Variants in TKT observed in about 807,000 individuals in gnomAD.
TKT encodes the protein epididymis luminal protein 107.
In TKT, 47 loss-of-function variants were observed where a neutral mutation model predicts 63.9. The ratio of observed to expected loss-of-function variants is 0.74; its 90% CI spans 0.58 to 0.94. The LOEUF (loss-of-function observed/expected upper bound fraction) is 0.94. TKT is among the 40% of genes least tolerant of loss of function. The probability of loss-of-function intolerance (pLI) is 0.00; values close to 1 mark genes in which losing one functional copy is unlikely to be tolerated. For missense variants in TKT, 721 were observed against 846.2 expected, an observed-to-expected ratio of 0.85 and a Z score of 1.84; for synonymous variants, 338 against 334.1, an observed-to-expected ratio of 1.01 and a Z score of -0.13.
At position 53,225,491 on chromosome 3, in the gene TKT, G is replaced by A. The variant is rs1177202180; in HGVS notation, c.*265C>T. On this transcript the variant is annotated 3_prime_UTR_variant, in exon 14 of 14. Transcript: ENST00000462138. ...ATGGGAGGCAGCGATAGTTCTGGAGGTTGAGGGCAGTTGCAGGTGATTCCA... is the reference window on the plus strand; with the variant it reads ...ATGGGAGGCAGCGATAGTTCTGGAGATTGAGGGCAGTTGCAGGTGATTCCA... The A allele has an allele frequency of 2.9e-6, 1 of 341,076 alleles. No homozygotes were observed. Among genetic ancestry groups the A allele is most frequent in the Non-Finnish European group, 5.3e-6 (1 of 186,916 alleles). 21.1% of individuals were successfully genotyped at this position (341,076 alleles called of 1,614,324 possible).
chr3:53,231,918 G>A (rs982920835), intron 6 of TKT: 21 of 284,766 alleles, frequency 7.4e-5, no homozygotes, highest in African/African-American at 3.7e-4. Flanking sequence ...ACAGGTAGAG[G>A]TGTCTGCTGC....
intron 1 of TKT, among the ~76,000 whole-genome samples, chr3:53,246,006 A>C (rs1705488212): frequency 6.6e-6 from 1 of 151,844 alleles, no homozygotes; most frequent in South Asian, 2.1e-4. Flanking sequence ...AGTGGCTCAC[A>C]CCTGTAATCC....
chr3:53,244,136 CTTCCTTGCTAGGCCTGCAGCCTTTCA>C (rs1254003613), intron 1 of TKT, among the ~76,000 whole-genome samples: 1 of 152,216 alleles, frequency 6.6e-6, no homozygotes, highest in African/African-American at 2.4e-5. Flanking sequence ...GATTTTAAGC[CTTCCTTGCTAGGCCTGCAGCCTTTCA>C]TTCCTTCCAA....
intron 9 of TKT, 62 bp from the exon 10 acceptor site, chr3:53,229,199 A>G: frequency 4.3e-6 from 7 of 1,612,910 alleles, no homozygotes; most frequent in Non-Finnish European, 5.1e-6. Context: ...CATGGGCTGG[A>G]ATCCTGGCCC....
intron 6 of TKT, chr3:53,232,480 T>C (rs191938757): frequency 4.6e-4 from 185 of 398,888 alleles, no homozygotes; most frequent in African/African-American, 3.4e-3. Context: ...GGCCCTGGGA[T>C]CAGCCCCCCT....
chr3:53,248,189 C>T (rs1334144146), intron 1 of TKT, among the ~76,000 whole-genome samples: 7 of 152,158 alleles, frequency 4.6e-5, no homozygotes, highest in African/African-American at 7.2e-5. Context: ...ATGCTTCATT[C>T]GGAGGATGGG....
rs782780193 is a variant in TKT at position 53,228,191 on chromosome 3, G to C, written c.1480-42C>G. 7 of 1,613,142 alleles carry C rather than the reference G, an allele frequency of 4.3e-6. No individual in the cohort carries two copies. In the East Asian group the frequency reaches 8.9e-5, roughly 21 times the overall value. On this transcript the variant is annotated intron_variant, in intron 11 of 13. Transcript: ENST00000462138. ...GGGTGAGTAAGGCTCAGGGCCCTGG[G>C]GCAGGGTGTGCCCTGACTGCTGGGA...
chr3:53,237,062 A>G (rs538676718), intron 4 of TKT, among the ~76,000 whole-genome samples: 1 of 152,358 alleles, frequency 6.6e-6, no homozygotes, highest in East Asian at 1.9e-4. Context: ...TAGCATCTCC[A>G]TAAAACAGAA....
intron 10 of TKT, 80 bp from the exon 11 acceptor site, chr3:53,228,439 T>G: frequency 6.7e-7 from 1 of 1,502,582 alleles, no homozygotes; most frequent in South Asian, 1.1e-5. Flanking sequence ...AGAGAGGCCA[T>G]CCCTTCCCAT....
At chr3:53,246,535 T>C (rs1705512396) in intron 1 of TKT, among the ~76,000 whole-genome samples, 1 of 152,144 alleles carries the variant, frequency 6.6e-6, no homozygotes, top group South Asian at 2.1e-4. Flanking sequence ...TATTGATTTA[T>C]GTACAAGTCT....
intron 1 of TKT, among the ~76,000 whole-genome samples, chr3:53,248,605 G>A (rs1705615899): frequency 1.3e-5 from 2 of 150,608 alleles, no homozygotes; most frequent in Admixed American, 6.7e-5. Flanking sequence ...CTCCAGCTTC[G>A]GGACACAGTG....
At chr3:53,253,540 G>A (rs1377950411) in intron 1 of TKT, among the ~76,000 whole-genome samples, 2 of 152,240 alleles carry the variant, frequency 1.3e-5, no homozygotes, top group Non-Finnish European at 2.9e-5. Flanking sequence ...GGAGGCCGAG[G>A]TGGGTGGATC....
intron 1 of TKT, chr3:53,243,676 G>A (rs541320775): frequency 2.1e-4 from 94 of 454,882 alleles, no homozygotes; most frequent in African/African-American, 1.5e-3. Flanking sequence ...CTGCCTGGCA[G>A]GGACCCTAAT....
Position 53,233,163 on chromosome 3 carries a change from C to A in TKT, c.741G>T (p.Gly247=), listed in dbSNP as rs782164632. The part of the protein sequence containing the change: ...AIIAKTFKGR[G]ITGVEDKESW... ...CGGCTTGTGCATACTGACCCGTGAT[C>A]CCTCGGCCCTTGAAGGTCTTGGCAA... Residue 247 remains glycine (G), a synonymous_variant, in exon 6 of 14, where the codon GGG becomes GGT. Transcript: ENST00000462138. 3 of 1,613,538 alleles carry A rather than the reference C, an allele frequency of 1.9e-6. No homozygotes were observed. The highest frequency in any genetic ancestry group is 2.5e-6 in the Non-Finnish European group (3 of 1,179,748).
Position 53,241,064 on chromosome 3 carries a change from C to G in TKT, c.339+68G>C, listed in dbSNP as rs560394060. 4.8e-5 allele frequency: 66 copies of G among 1,365,620 alleles called. No individual in the cohort carries two copies. In the East Asian group the frequency reaches 1.7e-3, roughly 36 times the overall value. 84.6% of individuals were successfully genotyped at this position (1,365,620 alleles called of 1,614,324 possible). A position where few individuals can be genotyped will look rare whatever the true frequency, so the allele number is the denominator to read the frequency against. On this transcript the variant is annotated intron_variant, in intron 3 of 13. Transcript: ENST00000462138. ...GCTTCTCAGTGGGCACCCCCTACCCCCGTCCCACATGTCTGGGAAATAGGA... is the reference window on the plus strand; with the variant it reads ...GCTTCTCAGTGGGCACCCCCTACCCGCGTCCCACATGTCTGGGAAATAGGA...
chr3:53,250,347 C>T (rs10433616), intron 1 of TKT, among the ~76,000 whole-genome samples: 112,183 of 152,034 alleles, frequency 0.74, 41,797 homozygotes, highest in Admixed American at 0.77. Flanking sequence ...TGGGATACAA[C>T]CCCAGCCACT....
chr3:53,240,174 G>T (rs1705209272), intron 4 of TKT, 77 bp downstream of exon 4: 10 of 1,378,242 alleles, frequency 7.3e-6, no homozygotes, highest in Non-Finnish European at 9.2e-6. Context: ...GAGTCTGGGG[G>T]CGATGGTGAA....
chr3:53,227,805 C>A, intron 12 of TKT: 1 of 414,462 alleles, frequency 2.4e-6, no homozygotes, highest in Non-Finnish European at 4.4e-6. Context: ...GGCCACCATG[C>A]TGGGGGGGTC....
At chr3:53,226,199 T>C (rs2106652867) in intron 13 of TKT, 1 of 409,704 alleles carries the variant, frequency 2.4e-6, no homozygotes, top group Non-Finnish European at 4.4e-6. Context: ...GGATTGCAGG[T>C]GTGAGCCACC....
Sources: allele counts gnomAD v4.1 joint callset (sites outside exome capture counted in the v4.1 genomes callset), GRCh38; gene constraint gnomAD v4.1.1; transcripts MANE v1.5; gene names NCBI Gene and HGNC (gene_info 2026-07-23, HGNC 2026-07-21).